FTCDNL1: variants seen among roughly 807,000 people sequenced by gnomAD.
FTCDNL1 encodes formiminotransferase N-terminal subdomain-containing protein.
Under a neutral mutation model 5.9 loss-of-function variants are expected in FTCDNL1, and 11 were observed. That is an observed-to-expected ratio of 1.87 (90% CI 1.18 to 3.10). FTCDNL1 has a LOEUF of 3.10. FTCDNL1 is among the 30% of genes most tolerant of loss of function. The pLI is 0.00. For synonymous variants in FTCDNL1, 58 were observed against 24.8 expected (o/e 2.34, Z -3.99); for missense variants, 115 against 65.5 (o/e 1.76, Z -2.61).
chr2:199,698,961 A>G, the FTCDNL1 span, among the ~76,000 whole-genome samples: 1 of 152,220 alleles, frequency 6.6e-6, no homozygotes, highest in Non-Finnish European at 1.5e-5. Context: ...CAGAAATAGA[A>G]AAAATCCTCG....
the FTCDNL1 span, among the ~76,000 whole-genome samples, chr2:199,734,560 A>G: frequency 1.3e-5 from 2 of 152,228 alleles, no homozygotes; most frequent in Admixed American, 6.5e-5. Context: ...CTTTAAATCA[A>G]TAAGTCTCAA....
chr2:199,763,122 C>T (rs1350504688), intron 3 of FTCDNL1, among the ~76,000 whole-genome samples: 1 of 152,206 alleles, frequency 6.6e-6, no homozygotes. Flanking sequence ...AAAAGCACTG[C>T]TCAGGGCCCA....
chr2:199,688,689 T>G, the FTCDNL1 span, among the ~76,000 whole-genome samples: 12 of 152,218 alleles, frequency 7.9e-5, no homozygotes, highest in Admixed American at 4.6e-4. Flanking sequence ...TTGAGAAAGA[T>G]TCAGTTTTTT....
chr2:199,671,071 T>C, the FTCDNL1 span, among the ~76,000 whole-genome samples: 3 of 151,578 alleles, frequency 2.0e-5, no homozygotes, highest in African/African-American at 4.8e-5. Context: ...AAATGGCAAG[T>C]GTCAAGACCC....
chr2:199,690,815 AG>A, the FTCDNL1 span, among the ~76,000 whole-genome samples: 3 of 152,200 alleles, frequency 2.0e-5, no homozygotes, highest in Admixed American at 2.0e-4. Flanking sequence ...AATCTAAAGA[AG>A]GAATTTCTGT....
chr2:199,800,528 A>G (rs1011373799), intron 3 of FTCDNL1, among the ~76,000 whole-genome samples: 2 of 152,252 alleles, frequency 1.3e-5, no homozygotes, highest in Non-Finnish European at 2.9e-5. Context: ...ACAACAAACT[A>G]TACATTTTTT....
At chr2:199,691,719 T>A in the FTCDNL1 span, among the ~76,000 whole-genome samples, 1 of 152,244 alleles carries the variant, frequency 6.6e-6, no homozygotes, top group African/African-American at 2.4e-5. Flanking sequence ...CTCTTCCTTA[T>A]AACTACGGTC....
At chr2:199,688,106 G>A in the FTCDNL1 span, among the ~76,000 whole-genome samples, 68 of 151,622 alleles carry the variant, frequency 4.5e-4, no homozygotes, top group Middle Eastern at 0.014. Flanking sequence ...AAATTAGCCA[G>A]GCATAATCTC....
At chr2:199,813,865 C>T (rs1027105091) in intron 4 of FTCDNL1, among the ~76,000 whole-genome samples, 3 of 147,000 alleles carry the variant, frequency 2.0e-5, no homozygotes, top group Admixed American at 1.4e-4. Flanking sequence ...GAGCAGAGAT[C>T]GCCTTGCCAC....
intron 4 of FTCDNL1, among the ~76,000 whole-genome samples, chr2:199,813,784 G>A (rs1701177270): frequency 6.6e-6 from 1 of 151,866 alleles, no homozygotes; most frequent in Non-Finnish European, 1.5e-5. Flanking sequence ...GGTGGCGCGT[G>A]CCTGTAGTCC....
downstream of FTCDNL1, among the ~76,000 whole-genome samples, chr2:199,759,760 A>T (rs775867023): frequency 2.6e-5 from 4 of 152,218 alleles, no homozygotes; most frequent in African/African-American, 4.8e-5. Context: ...TTTAAAATAA[A>T]CATTAGAAAC....
intron 3 of FTCDNL1, among the ~76,000 whole-genome samples, chr2:199,784,690 T>A (rs1699546348): frequency 6.6e-6 from 1 of 152,150 alleles, no homozygotes; most frequent in Non-Finnish European, 1.5e-5. Context: ...AGGCGGGACT[T>A]TGTACCATAC....
intron 2 of FTCDNL1, among the ~76,000 whole-genome samples, chr2:199,846,990 T>C (rs147860170): frequency 6.6e-6 from 1 of 152,306 alleles, no homozygotes; most frequent in Non-Finnish European, 1.5e-5. Flanking sequence ...CAATTAATCT[T>C]TTCAGAGGAA....
At chr2:199,745,429 T>G in the FTCDNL1 span, among the ~76,000 whole-genome samples, 4 of 152,262 alleles carry the variant, frequency 2.6e-5, no homozygotes, top group Non-Finnish European at 5.9e-5. Flanking sequence ...TTAACCATTT[T>G]TTAAATCTGC....
chr2:199,837,734 A>G (rs1285150499), intron 3 of FTCDNL1, among the ~76,000 whole-genome samples: 1 of 152,204 alleles, frequency 6.6e-6, no homozygotes, highest in Non-Finnish European at 1.5e-5. Context: ...TTTTTTTAAA[A>G]AAATCAAAAC....
the FTCDNL1 span, among the ~76,000 whole-genome samples, chr2:199,743,243 C>G: frequency 1.3e-5 from 2 of 152,180 alleles, no homozygotes; most frequent in East Asian, 3.9e-4. Flanking sequence ...GGCCCAGTGA[C>G]TGCTTAAGGT....
In FTCDNL1 at chr2:199,772,397, C is replaced by T. The variant is rs116650715; in HGVS notation, c.212-11562G>A. On this transcript the variant is annotated intron_variant, in intron 3 of 3. Coordinates refer to the FTCDNL1 transcript ENST00000416668. Reference sequence around the variant, plus strand: ...CTGTAATTGAAATCATCTTGTGACACGTTGGGCTTCCTCTTTCTGGGCACT... The same window carrying T: ...CTGTAATTGAAATCATCTTGTGACATGTTGGGCTTCCTCTTTCTGGGCACT... 3.5e-3 allele frequency among the ~76,000 whole-genome samples: 537 copies of T among 152,286 alleles called. 5 individuals are homozygous for T. Among genetic ancestry groups the T allele is most frequent in the African/African-American group, 0.012 (517 of 41,554 alleles).
chr2:199,779,611 C>T (rs1049971831), intron 3 of FTCDNL1, among the ~76,000 whole-genome samples: 5 of 152,140 alleles, frequency 3.3e-5, no homozygotes, highest in African/African-American at 9.7e-5. Flanking sequence ...TGCAAAAAAG[C>T]GATGTGCCTC....
downstream of FTCDNL1, among the ~76,000 whole-genome samples, chr2:199,758,969 A>G (rs1489679313): frequency 6.6e-6 from 1 of 152,210 alleles, no homozygotes; most frequent in Non-Finnish European, 1.5e-5. Context: ...AATGGGGTAG[A>G]TATGTGTGGA....
Sources: gnomAD v4.1 joint callset for allele counts (sites outside exome capture counted in the v4.1 genomes callset) on GRCh38, gnomAD v4.1.1 for gene constraint, MANE v1.5 for transcripts, NCBI Gene and HGNC (gene_info 2026-07-23, HGNC 2026-07-21) for gene names.